Variants in GTF3C5 observed in about 807,000 individuals in gnomAD.
The protein encoded by GTF3C5 is general transcription factor 3C polypeptide 5.
Under a neutral mutation model 61.0 loss-of-function variants are expected in GTF3C5, and 47 were observed. That is an observed-to-expected ratio of 0.77 (90% CI 0.61 to 0.98). GTF3C5 has a LOEUF of 0.98. GTF3C5 is among the 50% of genes least tolerant of loss of function. GTF3C5 has a pLI of 0.00. For synonymous variants in GTF3C5, 295 were observed against 275.4 expected (o/e 1.07, Z -0.71); for missense variants, 659 against 703.3 (o/e 0.94, Z 0.71).
intron 3 of GTF3C5, among the ~76,000 whole-genome samples, chr9:133,045,070 C>T (rs1179200866): frequency 6.6e-6 from 1 of 152,200 alleles, no homozygotes; most frequent in Non-Finnish European, 1.5e-5. Context: ...AAATGCCATA[C>T]ATTGACATAA....
At chr9:133,046,924 A>G (rs1422653901) in intron 3 of GTF3C5, among the ~76,000 whole-genome samples, 1 of 152,126 alleles carries the variant, frequency 6.6e-6, no homozygotes, top group East Asian at 1.9e-4. Flanking sequence ...GTGGGGAGTG[A>G]AGACCAGTGC....
intron 1 of GTF3C5, among the ~76,000 whole-genome samples, chr9:133,033,277 C>T (rs1317306796): frequency 4.6e-5 from 7 of 152,102 alleles, no homozygotes; most frequent in Admixed American, 1.3e-4. Flanking sequence ...TCTTACTCTA[C>T]GGTGTCTTGT....
rs768762575 is a variant in GTF3C5 at position 133,054,400 on chromosome 9, G to A, written c.989-8G>A. ...CCGCCCACCTGACTTGCCCGCCCTC[G>A]CCTACAGGTTACGCCCCCAGTGACT... On this transcript the variant is annotated splice_region_variant and splice_polypyrimidine_tract_variant and intron_variant, in intron 6 of 10. Coordinates refer to ENST00000372097, the MANE Select transcript of GTF3C5 (RefSeq NM_012087.4). 4.0e-5 allele frequency: 64 copies of A among 1,613,330 alleles called. No individual in the cohort carries two copies. The highest frequency in any genetic ancestry group is 5.2e-5 in the Non-Finnish European group (61 of 1,179,546).
intron 9 of GTF3C5, 88 bp downstream of exon 9, chr9:133,056,182 G>A (rs761528538): frequency 7.1e-5 from 76 of 1,070,210 alleles, no homozygotes; most frequent in Middle Eastern, 2.1e-4. Flanking sequence ...ACTTCACGTC[G>A]GCCTTCATCT....
chr9:133,036,613 G>A (rs1401835685), intron 1 of GTF3C5, among the ~76,000 whole-genome samples: 2 of 152,082 alleles, frequency 1.3e-5, no homozygotes, highest in Non-Finnish European at 2.9e-5. Flanking sequence ...GGGCTAGGAC[G>A]GGGCAGTTAT....
chr9:133,054,564 A>C (rs955444131), intron 7 of GTF3C5, 76 bp downstream of exon 7: 4 of 1,481,668 alleles, frequency 2.7e-6, no homozygotes, highest in Admixed American at 3.6e-5. Flanking sequence ...CCAGACGGGG[A>C]GGTGGTTCCT....
At chr9:133,047,051 T>G (rs1343273617) in intron 3 of GTF3C5, among the ~76,000 whole-genome samples, 1 of 152,170 alleles carries the variant, frequency 6.6e-6, no homozygotes, top group Non-Finnish European at 1.5e-5. Context: ...GAGCGTCCAG[T>G]GAGCAACATT....
intron 1 of GTF3C5, among the ~76,000 whole-genome samples, chr9:133,036,783 G>A (rs1242708433): frequency 1.3e-5 from 2 of 152,104 alleles, no homozygotes; most frequent in Non-Finnish European, 2.9e-5. Context: ...GGAATGTTAC[G>A]AGTTCCTGCT....
At chr9:133,033,760 A>G (rs1849792929) in intron 1 of GTF3C5, among the ~76,000 whole-genome samples, 1 of 152,198 alleles carries the variant, frequency 6.6e-6, no homozygotes, top group South Asian at 2.1e-4. Flanking sequence ...AAGTGTAACA[A>G]TCACTTTTGT....
At chr9:133,040,960 G>A (rs1402774844) in intron 1 of GTF3C5, among the ~76,000 whole-genome samples, 3 of 152,106 alleles carry the variant, frequency 2.0e-5, no homozygotes, top group African/African-American at 7.2e-5. Flanking sequence ...AATAATCCTC[G>A]CTCTATAATC....
chr9:133,031,523 G>T (rs904614562), intron 1 of GTF3C5, among the ~76,000 whole-genome samples: 37 of 152,032 alleles, frequency 2.4e-4, no homozygotes, highest in South Asian at 1.9e-3. Flanking sequence ...GGCTAAATTT[G>T]TATTTTTTAG....
chr9:133,040,021 TTTC>T (rs1419771202), intron 1 of GTF3C5, among the ~76,000 whole-genome samples: 1 of 152,142 alleles, frequency 6.6e-6, no homozygotes, highest in African/African-American at 2.4e-5. Context: ...TTAATCACGT[TTTC>T]TTCTTTTATA....
chr9:133,035,661 G>A (rs376328250), intron 1 of GTF3C5, among the ~76,000 whole-genome samples: 2 of 151,998 alleles, frequency 1.3e-5, no homozygotes, highest in Admixed American at 6.5e-5. Flanking sequence ...TGGGAACTGC[G>A]GTCGGGGGAG....
Position 133,056,067 on chromosome 9 carries a change from A to G in GTF3C5, c.1223A>G (p.Tyr408Cys). The G allele has an allele frequency of 8.7e-6, 14 of 1,613,942 alleles. No homozygotes were observed. Among genetic ancestry groups the G allele is most frequent in the Non-Finnish European group, 1.2e-5 (14 of 1,179,856 alleles). ...TTGCCACCCTATCGGCAGATGTTCT[A>G]CCAGTTATGCGACTTGAATGTGGAA... ...GALPPYRQMF[Y>C]QLCDLNVEEL... Residue 408 changes from tyrosine (Y) to cysteine (C), a missense_variant, in exon 9 of 11, where the codon TAC becomes TGC. Coordinates refer to ENST00000372097, the MANE Select transcript of GTF3C5 (RefSeq NM_012087.4).
At chr9:133,035,151 A>G (rs551877972) in intron 1 of GTF3C5, among the ~76,000 whole-genome samples, 133 of 152,274 alleles carry the variant, frequency 8.7e-4, no homozygotes, top group South Asian at 8.5e-3. Context: ...ATCTGAATCA[A>G]TATTTTGTAT....
At chr9:133,041,591 A>G (rs768413848) in intron 1 of GTF3C5, among the ~76,000 whole-genome samples, 5 of 152,204 alleles carry the variant, frequency 3.3e-5, no homozygotes, top group Non-Finnish European at 5.9e-5. Context: ...TTTGCTTTGT[A>G]TCCAGTAAAT....
At chr9:133,044,784 A>G (rs1422963853) in intron 3 of GTF3C5, among the ~76,000 whole-genome samples, 1 of 152,122 alleles carries the variant, frequency 6.6e-6, no homozygotes, top group Non-Finnish European at 1.5e-5. Flanking sequence ...CCCCTCCAGA[A>G]CACGGTGCCT....
chr9:133,055,685 AG>A (rs1325055043), intron 8 of GTF3C5: 1 of 985,328 alleles, frequency 1.0e-6, no homozygotes, highest in Admixed American at 6.1e-5. Flanking sequence ...GTCAGAGTGC[AG>A]GAGGGCACAG....
chr9:133,057,171 GC>G, intron 10 of GTF3C5, among the ~76,000 whole-genome samples: 1 of 152,344 alleles, frequency 6.6e-6, no homozygotes, highest in Non-Finnish European at 1.5e-5. Flanking sequence ...GGGTGCAGCA[GC>G]CTGGCACTGC....
Sources: allele counts gnomAD v4.1 joint callset (sites outside exome capture counted in the v4.1 genomes callset), GRCh38; gene constraint gnomAD v4.1.1; transcripts MANE v1.5; gene names NCBI Gene and HGNC (gene_info 2026-07-23, HGNC 2026-07-21).